Variants in FMN1 observed in about 807,000 individuals in gnomAD.
The protein encoded by FMN1 is formin 1, also known as formin-1.
FMN1 carries 110 observed loss-of-function variants against 132.4 expected under a neutral mutation model. The ratio of observed to expected loss-of-function variants is 0.83; its 90% CI spans 0.71 to 0.97. The LOEUF (loss-of-function observed/expected upper bound fraction) is 0.97, where lower values mean the gene tolerates loss of function less well. Among genes scored for constraint, FMN1 ranks in the 50% least tolerant of loss-of-function variants. The pLI is 0.00. For missense variants in FMN1, 1,792 were observed against 1,705.3 expected (o/e 1.05, Z -0.90); for synonymous variants, 722 against 651.7 (o/e 1.11, Z -1.64).
chr15:33,053,348 G>T (rs2037067206), intron 6 of FMN1, among the ~76,000 whole-genome samples: 1 of 152,202 alleles, frequency 6.6e-6, no homozygotes, highest in South Asian at 2.1e-4. Flanking sequence ...TAACATGCCT[G>T]GTCTGGCAAT....
At chr15:32,986,770 G>C (rs1384770483) in intron 7 of FMN1, among the ~76,000 whole-genome samples, 1 of 152,034 alleles carries the variant, frequency 6.6e-6, no homozygotes, top group African/African-American at 2.4e-5. Flanking sequence ...CTGGAATATA[G>C]ACAAACCACA....
chr15:32,969,369 G>A lies in FMN1; in HGVS notation c.2332C>T (p.Arg778Ter), dbSNP rs202224266. The stretch of plus-strand genomic sequence containing the variant: ...TCTTTCCTCTCTTCACAACCCCCTC[G>A]CCATCTGTGTTCTAGCTCGTGTTTC... Reference protein sequence around the residue: ...NLKHELEHRWRGGCEERKDVC... With the variant: ...NLKHELEHRW The change falls in exon 8 of 21, where the codon CGA (arginine) becomes TGA (stop). Residue 778 changes from arginine to a stop codon, truncating the protein, a stop_gained. Coordinates refer to ENST00000616417, the MANE Select transcript of FMN1 (RefSeq NM_001277313.2). LOFTEE classifies it high-confidence loss of function. 12 of 1,613,844 alleles carry A rather than the reference G, an allele frequency of 7.4e-6. No homozygotes were observed. The highest frequency in any genetic ancestry group is 1.0e-5 in the Non-Finnish European group (12 of 1,179,884).
At chr15:33,117,590 C>A (rs2039977098) in intron 4 of FMN1, among the ~76,000 whole-genome samples, 2 of 152,298 alleles carry the variant, frequency 1.3e-5, no homozygotes, top group South Asian at 4.1e-4. Context: ...ACGGAGTCCA[C>A]TTCAGGGATC....
At chr15:33,097,059 C>A (rs1235253996) in intron 4 of FMN1, among the ~76,000 whole-genome samples, 1 of 151,922 alleles carries the variant, frequency 6.6e-6, no homozygotes, top group Admixed American at 6.6e-5. Context: ...TTTGGGAGGC[C>A]GAGGTGGGTG....
chr15:32,935,043 T>G (rs1338695434), intron 9 of FMN1, among the ~76,000 whole-genome samples: 2 of 151,818 alleles, frequency 1.3e-5, no homozygotes, highest in Non-Finnish European at 2.9e-5. Context: ...TCCCTCAGCC[T>G]CCTGAGTACC....
At chr15:33,088,432 T>C (rs1471145316) in intron 5 of FMN1, among the ~76,000 whole-genome samples, 1 of 152,206 alleles carries the variant, frequency 6.6e-6, no homozygotes, top group Non-Finnish European at 1.5e-5. Context: ...ATCCAGAGCA[T>C]ATCAGTTGGC....
At chr15:32,813,118 T>C (rs1237808795) in intron 17 of FMN1, among the ~76,000 whole-genome samples, 2 of 152,164 alleles carry the variant, frequency 1.3e-5, no homozygotes, top group African/African-American at 2.4e-5. Context: ...TCATAAGTAA[T>C]CTAGAGATGA....
chr15:32,949,946 T>TATATATATATATATATATATACACAC (rs2061590516), intron 9 of FMN1, among the ~76,000 whole-genome samples: 1 of 51,522 alleles, frequency 1.9e-5, no homozygotes, highest in Non-Finnish European at 3.5e-5. Flanking sequence ...AAAGCATATA[T>TATATATATATATATATATATACACAC]ATATATATAT....
intron 17 of FMN1, among the ~76,000 whole-genome samples, chr15:32,824,692 C>G (rs916937446): frequency 1.3e-5 from 2 of 152,208 alleles, no homozygotes; most frequent in African/African-American, 4.8e-5. Context: ...TTCCTAGGCT[C>G]AAGTGATCCT....
chr15:33,072,548 A>AT (rs915434959), intron 5 of FMN1, among the ~76,000 whole-genome samples: 2 of 152,238 alleles, frequency 1.3e-5, no homozygotes, highest in Admixed American at 6.5e-5. Context: ...CTAGCAGTGA[A>AT]TTCTTCATTT....
rs149296650 is a variant in FMN1 at position 33,191,250 on chromosome 15, G to A, written c.-197+2659C>T. Among the ~76,000 whole-genome samples the A allele has an allele frequency of 6.9e-3, 1,054 of 152,224 alleles. 10 individuals carry two copies. The highest frequency in any genetic ancestry group is 0.024 in the African/African-American group (985 of 41,532). On this transcript the variant is annotated intron_variant, in intron 2 of 20. Coordinates refer to ENST00000616417, the MANE Select transcript of FMN1 (RefSeq NM_001277313.2). ...ACGTGGAAGACCACAGTAAAAAAGC[G>A]TTTCATTTGAAAGGTGTTCATCATT...
At chr15:32,807,801 C>T (rs573709206) in intron 17 of FMN1, among the ~76,000 whole-genome samples, 2 of 152,136 alleles carry the variant, frequency 1.3e-5, no homozygotes, top group African/African-American at 2.4e-5. Context: ...GGGAAAAGGG[C>T]CTTCAGGAAA....
intron 6 of FMN1, among the ~76,000 whole-genome samples, chr15:33,047,921 T>C (rs1170215613): frequency 2.0e-5 from 3 of 152,164 alleles, no homozygotes; most frequent in South Asian, 2.1e-4. Flanking sequence ...TTACAACTAT[T>C]GGATCTTCTT....
chr15:32,932,823 C>G (rs2061154137), intron 9 of FMN1, among the ~76,000 whole-genome samples: 1 of 152,106 alleles, frequency 6.6e-6, no homozygotes, highest in Admixed American at 6.6e-5. Context: ...CCTTCCAGTT[C>G]TGTGGCATCG....
intron 19 of FMN1, among the ~76,000 whole-genome samples, chr15:32,788,751 T>C (rs761692498): frequency 5.9e-5 from 9 of 152,244 alleles, no homozygotes; most frequent in Non-Finnish European, 1.3e-4. Flanking sequence ...AGATGCTCTC[T>C]AAGGTTTTGA....
Position 33,036,147 on chromosome 15 carries a change from C to T in FMN1, c.2162-28072G>A, listed in dbSNP as rs750215884. Among the ~76,000 whole-genome samples, 8 of 152,214 alleles carry T rather than the reference C, an allele frequency of 5.3e-5. No homozygotes were observed. The East Asian group carries it at 1.4e-3, about 26-fold the overall frequency. ...TCAGAGTCAGGTATCCTGTTATAAG[C>T]GACATACAACAGGCTAAAACATGCT... On this transcript the variant is annotated intron_variant, in intron 6 of 20. Transcript: ENST00000616417.
chr15:33,108,806 C>G (rs896714856), intron 4 of FMN1, among the ~76,000 whole-genome samples: 1 of 152,094 alleles, frequency 6.6e-6, no homozygotes, highest in Admixed American at 6.6e-5. Flanking sequence ...CCAAACAACT[C>G]CCCTGTCTTA....
chr15:32,919,944 T>C (rs2060780223), intron 10 of FMN1, among the ~76,000 whole-genome samples: 1 of 152,222 alleles, frequency 6.6e-6, no homozygotes, highest in African/African-American at 2.4e-5. Context: ...CACTTTGAAC[T>C]GAGATTCCCA....
At position 32,874,017 on chromosome 15, in the gene FMN1, G is replaced by GTTTTTT. The variant is rs962842419; in HGVS notation, c.3835+14149_3835+14154dup. Among the ~76,000 whole-genome samples the GTTTTTT allele has an allele frequency of 9.6e-4, 110 of 115,084 alleles. 4 individuals carry two copies. Among genetic ancestry groups the GTTTTTT allele is most frequent in the African/African-American group, 2.3e-3 (69 of 29,528 alleles). 75.5% of individuals were successfully genotyped at this position (115,084 alleles called of 152,430 possible). On this transcript the variant is annotated intron_variant, in intron 16 of 20. Coordinates refer to ENST00000616417, the MANE Select transcript of FMN1 (RefSeq NM_001277313.2). ...TATGATTCACAATTTTATTTTAGTT[G>GTTTTTT]TTTTTTTTTTTTTTTTTTTGATACA... is the stretch of plus-strand genomic sequence containing the variant.
Sources: gnomAD v4.1 joint callset for allele counts (sites outside exome capture counted in the v4.1 genomes callset) on GRCh38, gnomAD v4.1.1 for gene constraint, MANE v1.5 for transcripts, NCBI Gene and HGNC (gene_info 2026-07-23, HGNC 2026-07-21) for gene names.